The following NR1H4 variants were observed in gnomAD, a reference collection of about 807,000 sequenced individuals.
The protein encoded by NR1H4 is bile acid receptor.
Under a neutral mutation model 58.5 loss-of-function variants are expected in NR1H4, and 23 were observed. The observed-to-expected ratio is 0.39, with a 90% confidence interval of 0.28 to 0.56. The LOEUF (loss-of-function observed/expected upper bound fraction) is 0.56. NR1H4 is among the 20% of genes least tolerant of loss of function. The pLI is 0.58. For missense variants in NR1H4, 487 were observed against 576.9 expected (o/e 0.84, Z 1.60); for synonymous variants, 214 against 198.0 (o/e 1.08, Z -0.68).
At chr12:100,477,055 T>C (rs1489009039) in intron 1 of NR1H4, among the ~76,000 whole-genome samples, 1 of 152,154 alleles carries the variant, frequency 6.6e-6, no homozygotes, top group East Asian at 1.9e-4. Context: ...ATACAAATAT[T>C]CATCCTTCTG....
At chr12:100,547,256 G>T (rs946161200) in intron 9 of NR1H4, among the ~76,000 whole-genome samples, 2 of 152,128 alleles carry the variant, frequency 1.3e-5, no homozygotes, top group African/African-American at 4.8e-5. Flanking sequence ...AACTCCCCGA[G>T]CTTAGTCAAT....
At chr12:100,547,952 C>T (rs993258385) in intron 9 of NR1H4, among the ~76,000 whole-genome samples, 6 of 150,874 alleles carry the variant, frequency 4.0e-5, no homozygotes, top group African/African-American at 1.5e-4. Flanking sequence ...GATCTCCTGA[C>T]CTCATGATTC....
At chr12:100,513,176 A>G (rs1476069279) in intron 4 of NR1H4, among the ~76,000 whole-genome samples, 1 of 152,184 alleles carries the variant, frequency 6.6e-6, no homozygotes, top group East Asian at 1.9e-4. Flanking sequence ...AGTCTTCTCT[A>G]CCTATATTGC....
At chr12:100,504,516 A>G (rs1223111395) in intron 3 of NR1H4, among the ~76,000 whole-genome samples, 2 of 152,230 alleles carry the variant, frequency 1.3e-5, no homozygotes, top group Non-Finnish European at 2.9e-5. Context: ...GATGCCAGGA[A>G]TATAAAGAAA....
chr12:100,517,191 C>G (rs998600850), intron 4 of NR1H4, among the ~76,000 whole-genome samples: 1 of 152,132 alleles, frequency 6.6e-6, no homozygotes, highest in African/African-American at 2.4e-5. Context: ...CTTCTCCCCC[C>G]ATCCTCCTCA....
intron 1 of NR1H4, among the ~76,000 whole-genome samples, chr12:100,478,198 A>C (rs184782451): frequency 3.9e-5 from 6 of 151,950 alleles, no homozygotes; most frequent in Admixed American, 3.3e-4. Flanking sequence ...GGGGTGGGGG[A>C]GAAGACGTAT....
chr12:100,512,010 A>G (rs1477051711), intron 4 of NR1H4, among the ~76,000 whole-genome samples: 2 of 151,592 alleles, frequency 1.3e-5, no homozygotes, highest in Non-Finnish European at 2.9e-5. Flanking sequence ...AGGTGGGTGG[A>G]TCGCTTGAGT....
At chr12:100,480,205 A>G (rs965095304) in intron 1 of NR1H4, among the ~76,000 whole-genome samples, 1 of 152,180 alleles carries the variant, frequency 6.6e-6, no homozygotes, top group African/African-American at 2.4e-5. Flanking sequence ...TGTTGTAGCA[A>G]TCCTCACACT....
chr12:100,556,471 G>GA (rs1261035538), intron 9 of NR1H4, among the ~76,000 whole-genome samples: 15 of 141,134 alleles, frequency 1.1e-4, no homozygotes, highest in Admixed American at 2.8e-4. Context: ...CCGTCTCAAA[G>GA]AAAAAAAAAA....
intron 9 of NR1H4, among the ~76,000 whole-genome samples, chr12:100,552,383 G>A (rs1955222468): frequency 6.6e-6 from 1 of 152,136 alleles, no homozygotes; most frequent in Non-Finnish European, 1.5e-5. Flanking sequence ...AGGACCAAGA[G>A]TATGGCACAA....
chr12:100,553,471 A>G lies in NR1H4; in HGVS notation c.1079-8414A>G, dbSNP rs75040516. ...CAAAATTTGAACTTGGCCTTGAACCATGGATGGGGTGCCTTAGTCTAACAG... is the reference window on the plus strand; with the variant it reads ...CAAAATTTGAACTTGGCCTTGAACCGTGGATGGGGTGCCTTAGTCTAACAG... On this transcript the variant is annotated intron_variant, in intron 9 of 10. Transcript: ENST00000392986. Among the ~76,000 whole-genome samples the G allele has an allele frequency of 9.5e-4, 144 of 152,278 alleles. 1 individual carries two copies. The highest frequency in any genetic ancestry group is 3.3e-3 in the African/African-American group (138 of 41,564).
In NR1H4 at chr12:100,510,969, A is replaced by G. The variant is rs1377227180; in HGVS notation, c.271A>G (p.Met91Val). ...TCCTGGAATATATGAACTCAGGCGT[A>G]TGCCAGCTGAGACTCTCTACCAGGG... Reference protein sequence around the residue: ...YSPGIYELRRMPAETLYQGET... With the variant: ...YSPGIYELRRVPAETLYQGET... Residue 91 changes from methionine to valine, a missense_variant, in exon 4 of 11, where the codon ATG (methionine) becomes GTG (valine). Coordinates refer to ENST00000392986, the MANE Select transcript of NR1H4 (RefSeq NM_001206979.2). 6.2e-7 allele frequency: 1 copy of G among 1,614,252 alleles called. No homozygotes were observed. The highest frequency in any genetic ancestry group is 8.5e-7 in the Non-Finnish European group (1 of 1,180,042).
At chr12:100,533,303 T>C (rs75924508) in intron 5 of NR1H4, among the ~76,000 whole-genome samples, 4,949 of 152,316 alleles carry the variant, frequency 0.032, 341 homozygotes, top group East Asian at 0.3. Context: ...AGATATGTCC[T>C]GTTTCTCCTC....
intron 4 of NR1H4, among the ~76,000 whole-genome samples, chr12:100,519,026 G>A (rs1451064154): frequency 1.3e-5 from 2 of 151,942 alleles, no homozygotes; most frequent in Non-Finnish European, 2.9e-5. Context: ...GACCTCAAGT[G>A]ATCCACCCGT....
At chr12:100,519,071 AGCCACC>A (rs1194645208) in intron 4 of NR1H4, among the ~76,000 whole-genome samples, 1 of 152,116 alleles carries the variant, frequency 6.6e-6, no homozygotes, top group Non-Finnish European at 1.5e-5. Context: ...TGCAGGCATG[AGCCACC>A]GTGCCTGGCC....
chr12:100,524,894 A>G lies in NR1H4; in HGVS notation c.446-7564A>G, dbSNP rs566256068. Among the ~76,000 whole-genome samples the G allele has an allele frequency of 4.2e-3, 632 of 152,084 alleles. 17 individuals are homozygous for G. The highest frequency in any genetic ancestry group is 1.2e-3 in the Non-Finnish European group (83 of 67,964). On this transcript the variant is annotated intron_variant, in intron 4 of 10. Transcript: ENST00000392986. ...TGGGAAGAAATGCCCTGGGGGACAC[A>G]CCTCTCCAATCTCTGCAGTTTTGAA...
intron 4 of NR1H4, among the ~76,000 whole-genome samples, chr12:100,523,777 T>G (rs1373643474): frequency 1.3e-5 from 2 of 152,202 alleles, no homozygotes; most frequent in African/African-American, 4.8e-5. Context: ...AATTCTTTAT[T>G]CAGCAAATAT....
At chr12:100,523,647 G>A (rs888468578) in intron 4 of NR1H4, among the ~76,000 whole-genome samples, 2 of 152,120 alleles carry the variant, frequency 1.3e-5, no homozygotes, top group African/African-American at 4.8e-5. Flanking sequence ...TACATGCTCA[G>A]TAATCATTAG....
At chr12:100,515,187 T>G (rs1181321434) in intron 4 of NR1H4, among the ~76,000 whole-genome samples, 1 of 149,288 alleles carries the variant, frequency 6.7e-6, no homozygotes, top group African/African-American at 2.5e-5. Context: ...TTTTTTTTTT[T>G]TGAGACAGAG....
Sources: allele counts gnomAD v4.1 joint callset (sites outside exome capture counted in the v4.1 genomes callset), GRCh38; gene constraint gnomAD v4.1.1; transcripts MANE v1.5; gene names NCBI Gene and HGNC (gene_info 2026-07-23, HGNC 2026-07-21).